Variants in CROT observed in about 807,000 individuals in gnomAD.
CROT encodes the protein carnitine O-octanoyltransferase, also known as peroxisomal carnitine O-octanoyltransferase.
CROT carries 84 observed loss-of-function variants against 89.2 expected under a neutral mutation model. The observed-to-expected ratio is 0.94, with a 90% confidence interval of 0.79 to 1.13. The LOEUF is 1.13. CROT is among the 50% of genes most tolerant of loss of function. The pLI is 0.00. For missense variants in CROT, 711 were observed against 727.8 expected, an observed-to-expected ratio of 0.98 and a Z score of 0.27; for synonymous variants, 212 against 239.5, an observed-to-expected ratio of 0.89 and a Z score of 1.06.
intron 4 of CROT, chr7:87,359,868 C>T: frequency 1.0e-6 from 1 of 985,914 alleles, no homozygotes; most frequent in Non-Finnish European, 1.2e-6. Context: ...TTAACTTCTT[C>T]AGCTCAACCA....
intron 2 of CROT, among the ~76,000 whole-genome samples, chr7:87,348,326 G>C (rs759905920): frequency 6.6e-6 from 1 of 152,010 alleles, no homozygotes; most frequent in South Asian, 2.1e-4. Context: ...ATTAATACAC[G>C]TGTCAATATG....
chr7:87,365,543 G>T (rs1046304939), intron 6 of CROT, among the ~76,000 whole-genome samples: 1 of 151,010 alleles, frequency 6.6e-6, no homozygotes, highest in African/African-American at 2.4e-5. Flanking sequence ...GTGTTGATGG[G>T]ATGGGCAGAA....
chr7:87,363,722 TAA>T (rs1401056845), intron 6 of CROT, among the ~76,000 whole-genome samples: 6 of 152,330 alleles, frequency 3.9e-5, no homozygotes, highest in Non-Finnish European at 7.3e-5. Flanking sequence ...ATTTATGCTT[TAA>T]AAAAGATCAT....
intron 3 of CROT, 39 bp downstream of exon 3, chr7:87,349,222 G>A: frequency 2.0e-6 from 2 of 1,015,650 alleles, no homozygotes; most frequent in Non-Finnish European, 2.8e-6. Flanking sequence ...AATATTATTA[G>A]TAACTTAGAA....
chr7:87,394,667 G>C (rs1807467194), intron 17 of CROT, among the ~76,000 whole-genome samples: 1 of 151,864 alleles, frequency 6.6e-6, no homozygotes, highest in Non-Finnish European at 1.5e-5. Context: ...CAGCTTTTTG[G>C]TGGGTGCTAT....
chr7:87,391,445 GCT>G (rs1562939667), intron 13 of CROT, 142 bp from the exon 14 acceptor site: 1 of 700,588 alleles, frequency 1.4e-6, no homozygotes, highest in Non-Finnish European at 2.2e-6. Flanking sequence ...TTGGAAATAG[GCT>G]CTTTTTTGTT....
intron 10 of CROT, among the ~76,000 whole-genome samples, chr7:87,380,070 C>T (rs1806940720): frequency 6.6e-6 from 1 of 152,014 alleles, no homozygotes; most frequent in South Asian, 2.1e-4. Context: ...ATGGTTGTAC[C>T]ACTGCACTCC....
Position 87,349,202 on chromosome 7 carries a change from A to C in CROT, c.115+19A>C, listed in dbSNP as rs1805793458. 8.2e-7 allele frequency: 1 copy of C among 1,215,448 alleles called. No homozygotes were observed. Among genetic ancestry groups the C allele is most frequent in the Admixed American group, 2.0e-5 (1 of 49,810 alleles). The allele number at this position is 1,215,448 out of a possible 1,614,324, so 75.3% of individuals were successfully genotyped here. On this transcript the variant is annotated intron_variant, in intron 3 of 17. Coordinates refer to ENST00000331536, the MANE Select transcript of CROT (RefSeq NM_021151.4). Reference sequence around the variant, plus strand: ...GAATCAGGTATGTTAATAATCTTTTAGTATATATTAATATTATTAGTAACT... The same window carrying C: ...GAATCAGGTATGTTAATAATCTTTTCGTATATATTAATATTATTAGTAACT...
At position 87,378,682 on chromosome 7, in the gene CROT, A is replaced by G. The variant is rs150964512; in HGVS notation, c.978+1232A>G. Among the ~76,000 whole-genome samples the G allele has an allele frequency of 3.6e-3, 551 of 152,296 alleles. 5 individuals carry two copies. The highest frequency in any genetic ancestry group is 0.012 in the African/African-American group (510 of 41,570). ...ATGGTTACAGCAAAAGTCCTGGAAT[A>G]ATCCTCATCAGTTGTGATTGGCCTG... On this transcript the variant is annotated intron_variant, in intron 10 of 17. Coordinates refer to ENST00000331536, the MANE Select transcript of CROT (RefSeq NM_021151.4).
chr7:87,362,879 C>G (rs1289977338), intron 6 of CROT, among the ~76,000 whole-genome samples: 2 of 152,094 alleles, frequency 1.3e-5, no homozygotes, highest in African/African-American at 4.8e-5. Context: ...CTCAACTCTT[C>G]TTTGTAAACT....
intron 3 of CROT, among the ~76,000 whole-genome samples, chr7:87,351,965 G>A (rs761831336): frequency 6.6e-6 from 1 of 152,192 alleles, no homozygotes; most frequent in Non-Finnish European, 1.5e-5. Flanking sequence ...CTTGCCTTAC[G>A]TGATCTTAGA....
chr7:87,362,304 CTTTTTT>C (rs1237429320), intron 6 of CROT, among the ~76,000 whole-genome samples: 1 of 132,356 alleles, frequency 7.6e-6, no homozygotes, highest in Non-Finnish European at 1.6e-5. Context: ...GTCACTCTTC[CTTTTTT>C]TTTTTTTTTT....
At chr7:87,388,053 C>T (rs1475342065) in intron 13 of CROT, among the ~76,000 whole-genome samples, 2 of 152,024 alleles carry the variant, frequency 1.3e-5, no homozygotes, top group African/African-American at 4.8e-5. Flanking sequence ...GGGTGTGATA[C>T]CTTCCAGGTC....
At position 87,398,470 on chromosome 7, in the gene CROT, C is replaced by A. The variant is rs1807623951; in HGVS notation, c.1719-54C>A. 3 of 1,601,712 alleles carry A rather than the reference C, an allele frequency of 1.9e-6. No individual in the cohort carries two copies. The African/African-American group carries it at 4.0e-5, about 21-fold the overall frequency. On this transcript the variant is annotated intron_variant, in intron 17 of 17. Coordinates refer to ENST00000331536, the MANE Select transcript of CROT (RefSeq NM_021151.4). Reference sequence around the variant, plus strand: ...GAAATAAAGTCCTGGTTGTATTCACCATCACTATTTGGAGCCTTTTGTGTA... The same window carrying A: ...GAAATAAAGTCCTGGTTGTATTCACAATCACTATTTGGAGCCTTTTGTGTA...
chr7:87,382,616 C>G lies in CROT; in HGVS notation c.1301+73C>G, dbSNP rs973513729. 3 of 1,452,698 alleles carry G rather than the reference C, an allele frequency of 2.1e-6. No homozygotes were observed. The African/African-American group carries it at 4.3e-5, about 21-fold the overall frequency. 90.0% of individuals were successfully genotyped at this position (1,452,698 alleles called of 1,614,324 possible). ...ATATCTTTTTTTATAGCTATTTCAT[C>G]CTAACTCCTCAGTATTTTTGCTCAC... On this transcript the variant is annotated intron_variant, in intron 13 of 17. Coordinates refer to ENST00000331536, the MANE Select transcript of CROT (RefSeq NM_021151.4).
chr7:87,386,733 C>T (rs1359872975), intron 13 of CROT, among the ~76,000 whole-genome samples: 1 of 152,116 alleles, frequency 6.6e-6, no homozygotes, highest in Non-Finnish European at 1.5e-5. Context: ...ATGGAGCGTG[C>T]TTCCTACACC....
intron 3 of CROT, 39 bp from the exon 4 acceptor site, chr7:87,359,167 C>T (rs753810328): frequency 6.6e-6 from 9 of 1,369,026 alleles, no homozygotes; most frequent in Non-Finnish European, 8.3e-6. Flanking sequence ...GTTGGTGGTA[C>T]TTGGTCTAAA....
intron 7 of CROT, among the ~76,000 whole-genome samples, chr7:87,370,865 T>C (rs951514323): frequency 9.2e-5 from 14 of 152,194 alleles, no homozygotes; most frequent in Non-Finnish European, 2.1e-4. Flanking sequence ...TGCTGAGTCA[T>C]AGGATATGTG....
chr7:87,352,028 T>G (rs916896175), intron 3 of CROT, among the ~76,000 whole-genome samples: 4 of 152,216 alleles, frequency 2.6e-5, no homozygotes, highest in Non-Finnish European at 4.4e-5. Context: ...TTTGTCAATC[T>G]TATGATTTCT....
Sources: allele counts gnomAD v4.1 joint callset (sites outside exome capture counted in the v4.1 genomes callset), GRCh38; gene constraint gnomAD v4.1.1; transcripts MANE v1.5; gene names NCBI Gene and HGNC (gene_info 2026-07-23, HGNC 2026-07-21).